Variants in VPS45 observed in about 807,000 individuals in gnomAD.
VPS45 encodes the protein vacuolar protein sorting 45 homolog.
VPS45 carries 35 observed loss-of-function variants against 75.9 expected under a neutral mutation model. That is an observed-to-expected ratio of 0.46 (90% CI 0.35 to 0.61). The LOEUF (loss-of-function observed/expected upper bound fraction) is 0.61. VPS45 is among the 20% of genes least tolerant of loss of function. The pLI, the probability that VPS45 is intolerant of heterozygous loss-of-function variation, is 0.00. For missense variants in VPS45, 559 were observed against 685.9 expected (o/e 0.81, Z 2.07); for synonymous variants, 220 against 238.2 (o/e 0.92, Z 0.70).
At chr1:150,074,464 C>T (rs1027974966) in intron 3 of VPS45, among the ~76,000 whole-genome samples, 2 of 152,160 alleles carry the variant, frequency 1.3e-5, no homozygotes, top group African/African-American at 4.8e-5. Context: ...TTTAACTATA[C>T]ACCATTGAAG....
rs782385123 is a variant in VPS45 at position 150,136,906 on chromosome 1, T to C, written c.1626-7803T>C. Among the ~76,000 whole-genome samples, 55 of 152,098 alleles carry C rather than the reference T, an allele frequency of 3.6e-4. 1 individual carries two copies. The highest frequency in any genetic ancestry group is 1.0e-4 in the Non-Finnish European group (7 of 68,002). On this transcript the variant is annotated intron_variant, in intron 14 of 14. Transcript: ENST00000644510. ...CTGGTATTTCCAGATGTAGATTTGT[T>C]TGTTTGTTTTGAGACAGGGTCTCAC...
chr1:150,100,812 G>A (rs782185594), intron 13 of VPS45, among the ~76,000 whole-genome samples: 9 of 151,942 alleles, frequency 5.9e-5, no homozygotes, highest in African/African-American at 1.2e-4. Flanking sequence ...TTCCTTACAC[G>A]GTATACAAAA....
Position 150,106,389 on chromosome 1 carries a change from A to C in VPS45, c.1494-4107A>C, listed in dbSNP as rs1657325852. Among the ~76,000 whole-genome samples, 3 of 152,244 alleles carry C rather than the reference A, an allele frequency of 2.0e-5. No individual in the cohort carries two copies. The South Asian group carries it at 6.2e-4, about 32-fold the overall frequency. Reference sequence around the variant, plus strand: ...TACAAGGAACGCAATAAGTAAAAACAACCCCATTAAAAACTGGGCAAACGA... The same window carrying C: ...TACAAGGAACGCAATAAGTAAAAACCACCCCATTAAAAACTGGGCAAACGA... On this transcript the variant is annotated intron_variant, in intron 13 of 14. Transcript: ENST00000644510.
At chr1:150,068,328 C>T in intron 1 of VPS45, 1 of 361,694 alleles carries the variant, frequency 2.8e-6, no homozygotes, top group Non-Finnish European at 4.9e-6. Context: ...TATTTGTTGG[C>T]CACAGACCAG....
intron 14 of VPS45, among the ~76,000 whole-genome samples, chr1:150,133,520 C>G (rs1658931066): frequency 6.6e-6 from 1 of 152,188 alleles, no homozygotes; most frequent in Non-Finnish European, 1.5e-5. Context: ...TGCCACTGCA[C>G]TCCAGCCTGG....
chr1:150,122,617 C>G (rs1031613804), intron 14 of VPS45, among the ~76,000 whole-genome samples: 1 of 151,904 alleles, frequency 6.6e-6, no homozygotes, highest in Non-Finnish European at 1.5e-5. Context: ...AATTTACATA[C>G]CATACAAGTC....
chr1:150,106,011 C>G (rs1657305700), intron 13 of VPS45, among the ~76,000 whole-genome samples: 1 of 152,114 alleles, frequency 6.6e-6, no homozygotes, highest in Admixed American at 6.5e-5. Context: ...GGGGAAAGAA[C>G]ACCCCACTCG....
intron 13 of VPS45, chr1:150,099,200 T>A: frequency 2.3e-6 from 1 of 443,042 alleles, no homozygotes; most frequent in Non-Finnish European, 3.0e-6. Flanking sequence ...GAAATAATGT[T>A]AAAAATTCTC....
chr1:150,126,022 A>G (rs1658497365), intron 14 of VPS45, among the ~76,000 whole-genome samples: 1 of 151,624 alleles, frequency 6.6e-6, no homozygotes, highest in Non-Finnish European at 1.5e-5. Context: ...GCTTCAATAA[A>G]CATCTTACGT....
intron 13 of VPS45, among the ~76,000 whole-genome samples, chr1:150,106,282 C>T (rs1204231655): frequency 6.6e-6 from 1 of 152,174 alleles, no homozygotes; most frequent in Non-Finnish European, 1.5e-5. Flanking sequence ...TAAAGGGCTT[C>T]TGCACAGCAA....
chr1:150,067,722 C>T (rs1654798329), upstream of VPS45: 1 of 799,630 alleles, frequency 1.3e-6, no homozygotes. Context: ...CAACTCCCAG[C>T]ACCGTGGCTG....
chr1:150,117,940 T>G (rs1175276694), intron 14 of VPS45, among the ~76,000 whole-genome samples: 5 of 152,146 alleles, frequency 3.3e-5, no homozygotes, highest in Non-Finnish European at 7.3e-5. Flanking sequence ...TTAGTCATAG[T>G]ACATACAAAA....
At chr1:150,112,887 G>A (rs1184243620) in intron 14 of VPS45, among the ~76,000 whole-genome samples, 1 of 152,190 alleles carries the variant, frequency 6.6e-6, no homozygotes, top group African/African-American at 2.4e-5. Context: ...CTCAGGAACA[G>A]CCAAATGTAA....
At chr1:150,140,527 A>G (rs1265104531) in intron 14 of VPS45, among the ~76,000 whole-genome samples, 4 of 151,788 alleles carry the variant, frequency 2.6e-5, no homozygotes, top group Non-Finnish European at 5.9e-5. Context: ...ACTACTAATT[A>G]ATTTTATTTT....
chr1:150,100,776 T>C (rs1195608081), intron 13 of VPS45, among the ~76,000 whole-genome samples: 2 of 152,204 alleles, frequency 1.3e-5, no homozygotes, highest in East Asian at 1.9e-4. Flanking sequence ...TGACTAGCCA[T>C]ATGCAGAAGA....
At chr1:150,102,735 G>A (rs893344020) in intron 13 of VPS45, among the ~76,000 whole-genome samples, 1 of 152,070 alleles carries the variant, frequency 6.6e-6, no homozygotes. Flanking sequence ...GGATGGAGCT[G>A]GAGGCTATCA....
intron 1 of VPS45, 26 bp downstream of exon 1, chr1:150,067,976 G>A (rs1553796211): frequency 7.5e-6 from 12 of 1,603,108 alleles, no homozygotes; most frequent in Non-Finnish European, 1.0e-5. Context: ...CTCAGCATTT[G>A]TGAAGGAACC....
chr1:150,106,603 TTC>T (rs1245564109), intron 13 of VPS45, among the ~76,000 whole-genome samples: 2 of 152,130 alleles, frequency 1.3e-5, no homozygotes, highest in South Asian at 2.1e-4. Context: ...CTTTGTTATT[TTC>T]TCTCTCTTGC....
chr1:150,121,104 C>T (rs1250690371), intron 14 of VPS45, among the ~76,000 whole-genome samples: 1 of 152,014 alleles, frequency 6.6e-6, no homozygotes. Context: ...ATCCACCCTT[C>T]TCAGCCTCCC....
Sources: gnomAD v4.1 joint callset for allele counts (sites outside exome capture counted in the v4.1 genomes callset) on GRCh38, gnomAD v4.1.1 for gene constraint, MANE v1.5 for transcripts, NCBI Gene and HGNC (gene_info 2026-07-23, HGNC 2026-07-21) for gene names.